The following GRIN3A variants were observed in gnomAD, a reference collection of about 807,000 sequenced individuals.
The protein encoded by GRIN3A is glutamate ionotropic receptor NMDA type subunit 3A.
A neutral mutation model predicts 92.4 loss-of-function variants in GRIN3A; 47 were observed. The ratio of observed to expected loss-of-function variants is 0.51; its 90% confidence interval spans 0.40 to 0.65. GRIN3A has a LOEUF of 0.65. GRIN3A is among the 30% of genes least tolerant of loss of function. The pLI, the probability that GRIN3A is intolerant of heterozygous loss-of-function variation, is 0.00. For missense variants in GRIN3A, 1,324 were observed against 1,393.1 expected (o/e 0.95, Z 0.79); for synonymous variants, 527 against 540.6 (o/e 0.97, Z 0.35).
At chr9:101,586,997 T>C (rs1332707226) in intron 6 of GRIN3A, among the ~76,000 whole-genome samples, 1 of 152,262 alleles carries the variant, frequency 6.6e-6, no homozygotes, top group Non-Finnish European at 1.5e-5. Context: ...ATTCTTTTGA[T>C]AGGTTTTGCT....
Position 101,733,232 on chromosome 9 carries a change from T to G in GRIN3A, c.699+4049A>C, listed in dbSNP as rs1025204148. On this transcript the variant is annotated intron_variant, in intron 1 of 8. Transcript: ENST00000361820. ...CTTCATGGATTAAGTGATACTCTTC[T>G]GGCAAGCACAAAGTAAAGCGGGAGA... 6.6e-5 allele frequency among the ~76,000 whole-genome samples: 10 copies of G among 152,218 alleles called. 1 individual carries two copies. The highest frequency in any genetic ancestry group is 4.1e-4 in the South Asian group (2 of 4,830).
chr9:101,724,192 C>T (rs551973001), intron 1 of GRIN3A, among the ~76,000 whole-genome samples: 1,611 of 152,168 alleles, frequency 0.011, 31 homozygotes, highest in African/African-American at 0.036. Context: ...AGGCTCGGGC[C>T]GCACAGGAGC....
At chr9:101,619,772 G>C (rs896945249) in intron 5 of GRIN3A, among the ~76,000 whole-genome samples, 1 of 152,170 alleles carries the variant, frequency 6.6e-6, no homozygotes, top group Non-Finnish European at 1.5e-5. Context: ...GTGCAGTTAC[G>C]TTACTCTTTC....
chr9:101,717,416 A>C (rs930253610), intron 1 of GRIN3A, among the ~76,000 whole-genome samples: 1 of 152,212 alleles, frequency 6.6e-6, no homozygotes, highest in Non-Finnish European at 1.5e-5. Context: ...AAATCTGGGA[A>C]TCTACATTTT....
intron 1 of GRIN3A, among the ~76,000 whole-genome samples, chr9:101,703,143 T>G (rs1202256720): frequency 1.3e-5 from 2 of 152,198 alleles, no homozygotes; most frequent in East Asian, 3.8e-4. Flanking sequence ...AATTCACATT[T>G]TTCCTTTGCT....
At chr9:101,609,097 C>T (rs1224500266) in intron 6 of GRIN3A, among the ~76,000 whole-genome samples, 2 of 152,174 alleles carry the variant, frequency 1.3e-5, no homozygotes, top group Non-Finnish European at 2.9e-5. Flanking sequence ...GTGATTTGAC[C>T]CTGTGTTTCA....
At chr9:101,584,414 A>T (rs1218470603) in intron 6 of GRIN3A, among the ~76,000 whole-genome samples, 5 of 152,232 alleles carry the variant, frequency 3.3e-5, no homozygotes, top group African/African-American at 1.2e-4. Flanking sequence ...CTGATACTGT[A>T]CTCTGCATGT....
At chr9:101,606,415 G>A (rs553424295) in intron 6 of GRIN3A, among the ~76,000 whole-genome samples, 70 of 152,082 alleles carry the variant, frequency 4.6e-4, no homozygotes, top group Non-Finnish European at 7.4e-4. Context: ...GGTCACTGTC[G>A]GATGGCTGTA....
At chr9:101,689,828 T>C (rs758215628) in intron 1 of GRIN3A, among the ~76,000 whole-genome samples, 2 of 152,066 alleles carry the variant, frequency 1.3e-5, no homozygotes, top group African/African-American at 4.8e-5. Context: ...AAAATTTTTG[T>C]CAAAATCCAG....
At chr9:101,687,377 C>T (rs1204809423) in intron 1 of GRIN3A, among the ~76,000 whole-genome samples, 177 bp from the exon 2 acceptor site, 1 of 152,062 alleles carries the variant, frequency 6.6e-6, no homozygotes, top group Non-Finnish European at 1.5e-5. Flanking sequence ...ACTATTGATT[C>T]CTAACAACTG....
chr9:101,616,888 TAA>T (rs75080539), intron 5 of GRIN3A, among the ~76,000 whole-genome samples: 40,724 of 101,214 alleles, frequency 0.4, 6,031 homozygotes, highest in Middle Eastern at 0.46. Context: ...ACTTAAAGTA[TAA>T]AAAAAAAAAA....
chr9:101,718,693 T>G lies in GRIN3A; in HGVS notation c.699+18588A>C, dbSNP rs189958315. On this transcript the variant is annotated intron_variant, in intron 1 of 8. Coordinates refer to ENST00000361820, the MANE Select transcript of GRIN3A (RefSeq NM_133445.3). The stretch of plus-strand genomic sequence containing the variant: ...GTGAGAAACTTAATTCCTTTTCAAT[T>G]AGCATTTAATCCATCTGTTTACTTA... Among the ~76,000 whole-genome samples, 166 of 152,342 alleles carry G rather than the reference T, an allele frequency of 1.1e-3. 1 individual carries two copies. Among genetic ancestry groups the G allele is most frequent in the African/African-American group, 3.3e-3 (139 of 41,586 alleles).
intron 1 of GRIN3A, among the ~76,000 whole-genome samples, chr9:101,736,023 G>A (rs1303538296): frequency 3.9e-5 from 6 of 152,120 alleles, no homozygotes; most frequent in African/African-American, 1.4e-4. Context: ...GACAATTTAT[G>A]CATAGATTCT....
intron 6 of GRIN3A, among the ~76,000 whole-genome samples, chr9:101,589,639 A>G (rs1827997338): frequency 6.6e-6 from 1 of 152,166 alleles, no homozygotes. Flanking sequence ...AAAAACTGCT[A>G]ACCCTTTTGC....
intron 4 of GRIN3A, among the ~76,000 whole-genome samples, chr9:101,623,689 C>A (rs1437690821): frequency 1.3e-5 from 2 of 152,234 alleles, no homozygotes; most frequent in African/African-American, 4.8e-5. Flanking sequence ...ACTTCTAAAT[C>A]CATCAGTAAA....
At chr9:101,666,752 C>T (rs1340341774) in intron 3 of GRIN3A, among the ~76,000 whole-genome samples, 2 of 152,088 alleles carry the variant, frequency 1.3e-5, no homozygotes, top group Non-Finnish European at 2.9e-5. Flanking sequence ...CTCAGACACT[C>T]AGGCCTGCAG....
intron 6 of GRIN3A, chr9:101,591,828 T>C (rs1265275112): frequency 1.3e-5 from 2 of 152,242 alleles, no homozygotes; most frequent in African/African-American, 2.4e-5. Context: ...TAGGTAACTA[T>C]CTTGAGTAGA....
rs1827742593 is a variant in GRIN3A at position 101,570,377 on chromosome 9, A to T, written c.*2797T>A. On this transcript the variant is annotated 3_prime_UTR_variant, in exon 9 of 9. Transcript: ENST00000361820. Reference sequence around the variant, plus strand: ...AAAGAACAGAGGCAGAGCTGAACGGAAAGGAGGTTTCCAAGGACCCACCAT... The same window carrying T: ...AAAGAACAGAGGCAGAGCTGAACGGTAAGGAGGTTTCCAAGGACCCACCAT... 6.6e-6 allele frequency: 1 copy of T among 152,606 alleles called. No individual in the cohort carries two copies. Among genetic ancestry groups the T allele is most frequent in the South Asian group, 2.1e-4 (1 of 4,830 alleles). The allele number at this position is 152,606 out of a possible 1,614,324, so 9.5% of individuals were successfully genotyped here.
At chr9:101,713,508 G>A (rs555897087) in intron 1 of GRIN3A, among the ~76,000 whole-genome samples, 1 of 152,316 alleles carries the variant, frequency 6.6e-6, no homozygotes, top group South Asian at 2.1e-4. Flanking sequence ...GAGGAACTGT[G>A]TATCAGAAAG....
Sources: allele counts gnomAD v4.1 joint callset (sites outside exome capture counted in the v4.1 genomes callset), GRCh38; gene constraint gnomAD v4.1.1; transcripts MANE v1.5; gene names NCBI Gene and HGNC (gene_info 2026-07-23, HGNC 2026-07-21).